LDLRAD4: variants seen among roughly 807,000 people sequenced by gnomAD.
LDLRAD4 encodes the protein low density lipoprotein receptor class A domain containing 4.
A neutral mutation model predicts 17.0 loss-of-function variants in LDLRAD4; 5 were observed. The observed-to-expected ratio is 0.29, with a 90% CI of 0.15 to 0.62. The LOEUF is 0.62. Among genes scored for constraint, LDLRAD4 ranks in the 20% least tolerant of loss-of-function variants. The probability of loss-of-function intolerance (pLI) is 0.84; values close to 1 mark genes in which losing one functional copy is unlikely to be tolerated. For missense variants in LDLRAD4, 340 were observed against 424.7 expected, an observed-to-expected ratio of 0.80 and a Z score of 1.75; for synonymous variants, 168 against 171.8, an observed-to-expected ratio of 0.98 and a Z score of 0.17.
intron 1 of LDLRAD4, among the ~76,000 whole-genome samples, chr18:13,249,062 G>T (rs1001024985): frequency 1.3e-5 from 2 of 150,878 alleles, no homozygotes; most frequent in African/African-American, 5.0e-5. Context: ...TTCCCTCTAT[G>T]TTGCTGCAAA....
At chr18:13,249,931 G>T (rs1371417620) in intron 1 of LDLRAD4, among the ~76,000 whole-genome samples, 4 of 152,184 alleles carry the variant, frequency 2.6e-5, no homozygotes, top group Non-Finnish European at 5.9e-5. Context: ...TGTATACGGT[G>T]ACAGGTAGGG....
At chr18:13,269,386 T>C (rs2044395009) in intron 1 of LDLRAD4, among the ~76,000 whole-genome samples, 1 of 152,228 alleles carries the variant, frequency 6.6e-6, no homozygotes, top group Non-Finnish European at 1.5e-5. Flanking sequence ...ACTGGCTCAA[T>C]GAAATGTAAG....
At chr18:13,518,050 T>C (rs1402240523) in intron 3 of LDLRAD4, among the ~76,000 whole-genome samples, 1 of 152,202 alleles carries the variant, frequency 6.6e-6, no homozygotes, top group Non-Finnish European at 1.5e-5. Context: ...TTCTTTTCTT[T>C]TCTTTTTGTC....
chr18:13,564,288 T>C (rs1015294689), intron 3 of LDLRAD4, among the ~76,000 whole-genome samples: 8 of 152,180 alleles, frequency 5.3e-5, no homozygotes, highest in African/African-American at 1.9e-4. Context: ...AGTATTCTGG[T>C]TTGGAGGATG....
chr18:13,643,464 G>GGGGGGGGC, intron 5 of LDLRAD4, 52 bp downstream of exon 6: 1 of 288,990 alleles, frequency 3.5e-6, no homozygotes. Context: ...GGTGGGTGGG[G>GGGGGGGGC]ATGAAGGGGG....
chr18:13,321,898 A>AAAAAG (rs1305514703), intron 1 of LDLRAD4, among the ~76,000 whole-genome samples: 176 of 96,104 alleles, frequency 1.8e-3, no homozygotes, highest in Non-Finnish European at 2.4e-3. Flanking sequence ...AAAAAAAAAA[A>AAAAAG]AAAAGAAAAG....
At chr18:13,408,544 C>T (rs1228643241) in intron 2 of LDLRAD4, among the ~76,000 whole-genome samples, 1 of 151,830 alleles carries the variant, frequency 6.6e-6, no homozygotes, top group Non-Finnish European at 1.5e-5. Flanking sequence ...GTGATATTGG[C>T]TCACTGCAAC....
At chr18:13,613,055 G>T (rs1568406773) in intron 3 of LDLRAD4, 7 of 304,644 alleles carry the variant, frequency 2.3e-5, no homozygotes, top group East Asian at 6.1e-5. Flanking sequence ...TTGGAGTTTT[G>T]TTTTTTTCAA....
intron 1 of LDLRAD4, among the ~76,000 whole-genome samples, chr18:13,282,970 G>A (rs2146289079): frequency 6.6e-6 from 1 of 152,350 alleles, no homozygotes; most frequent in Middle Eastern, 3.4e-3. Flanking sequence ...TGTGGAAGCT[G>A]CCAAGGCTTG....
intron 1 of LDLRAD4, among the ~76,000 whole-genome samples, chr18:13,248,224 G>A (rs1478034820): frequency 1.3e-5 from 2 of 152,200 alleles, no homozygotes; most frequent in Non-Finnish European, 2.9e-5. Context: ...GCCTCCCAAA[G>A]TGCTGGGACT....
intron 1 of LDLRAD4, chr18:13,362,059 C>G (rs1310512926): frequency 6.6e-6 from 1 of 151,946 alleles, no homozygotes; most frequent in African/African-American, 2.4e-5. Flanking sequence ...TGTCACCCAT[C>G]GAGGTCTGTG....
At chr18:13,506,917 C>T (rs987867021) in intron 3 of LDLRAD4, among the ~76,000 whole-genome samples, 118 of 152,288 alleles carry the variant, frequency 7.7e-4, no homozygotes, top group African/African-American at 2.7e-3. Context: ...GCAGTTTCGG[C>T]GCTGACAGTG....
intron 1 of LDLRAD4, among the ~76,000 whole-genome samples, chr18:13,317,326 C>G (rs112841354): frequency 2.0e-5 from 3 of 152,146 alleles, no homozygotes; most frequent in Non-Finnish European, 2.9e-5. Context: ...TTCTTTAGCC[C>G]GAAGCCTAAG....
At chr18:13,295,941 G>T (rs1214462733) in intron 1 of LDLRAD4, among the ~76,000 whole-genome samples, 1 of 152,244 alleles carries the variant, frequency 6.6e-6, no homozygotes, top group Non-Finnish European at 1.5e-5. Flanking sequence ...TACCCTGGAA[G>T]ATCACTGGCT....
chr18:13,601,530 T>A (rs1317370968), intron 3 of LDLRAD4, among the ~76,000 whole-genome samples: 3 of 151,726 alleles, frequency 2.0e-5, no homozygotes, highest in African/African-American at 7.3e-5. Context: ...GGCGGGCGCC[T>A]GTAGTCCCAG....
At chr18:13,631,148 G>A (rs2041628146) in intron 4 of LDLRAD4, among the ~76,000 whole-genome samples, 1 of 152,186 alleles carries the variant, frequency 6.6e-6, no homozygotes, top group Admixed American at 6.5e-5. Context: ...GCAGACGACT[G>A]TCCTTTAATA....
chr18:13,630,069 A>G (rs773959294), intron 4 of LDLRAD4, among the ~76,000 whole-genome samples: 2 of 151,058 alleles, frequency 1.3e-5, no homozygotes, highest in Admixed American at 6.6e-5. Context: ...TTGAAGTCCG[A>G]TTGCTCACTA....
chr18:13,610,901 C>T (rs1278347367), intron 3 of LDLRAD4, among the ~76,000 whole-genome samples: 1 of 152,126 alleles, frequency 6.6e-6, no homozygotes, highest in Non-Finnish European at 1.5e-5. Flanking sequence ...ATTTTTAATT[C>T]GGAAATTGCT....
At chr18:13,294,222 G>A (rs1379584895) in intron 1 of LDLRAD4, among the ~76,000 whole-genome samples, 1 of 152,258 alleles carries the variant, frequency 6.6e-6, no homozygotes, top group African/African-American at 2.4e-5. Flanking sequence ...AAGCTGAGAA[G>A]TGTGCATGGG....
Sources: gnomAD v4.1 joint callset for allele counts (sites outside exome capture counted in the v4.1 genomes callset) on GRCh38, gnomAD v4.1.1 for gene constraint, MANE v1.5 for transcripts, NCBI Gene and HGNC (gene_info 2026-07-23, HGNC 2026-07-21) for gene names.